Variants in RBM39 observed in about 807,000 individuals in gnomAD.
The protein encoded by RBM39 is RNA-binding protein 39.
A neutral mutation model predicts 79.6 loss-of-function variants in RBM39; 12 were observed. The observed-to-expected ratio is 0.15, with a 90% CI of 0.10 to 0.24. The LOEUF (loss-of-function observed/expected upper bound fraction) is 0.24, where lower values mean the gene tolerates loss of function less well. Among genes scored for constraint, RBM39 ranks in the 10% least tolerant of loss-of-function variants. The pLI is 1.00. For synonymous variants in RBM39, 185 were observed against 208.4 expected, an observed-to-expected ratio of 0.89 and a Z score of 0.97; for missense variants, 243 against 653.4, an observed-to-expected ratio of 0.37 and a Z score of 6.85.
chr20:35,705,013 T>C (rs2035546966), intron 15 of RBM39: 1 of 589,392 alleles, frequency 1.7e-6, no homozygotes. Flanking sequence ...CTTTGAGCAT[T>C]ACTAGAAATC....
intron 13 of RBM39, among the ~76,000 whole-genome samples, chr20:35,708,647 C>T (rs956572766): frequency 2.6e-5 from 4 of 152,082 alleles, no homozygotes; most frequent in African/African-American, 9.7e-5. Context: ...GCAAAATGCT[C>T]ATGTCAAGCA....
intron 3 of RBM39, among the ~76,000 whole-genome samples, chr20:35,733,301 CT>C (rs2039566393): frequency 4.0e-5 from 1 of 25,314 alleles, no homozygotes; most frequent in African/African-American, 1.0e-4. Context: ...AAAACACCAT[CT>C]CAAAAAAAAA....
At chr20:35,729,565 T>G in intron 4 of RBM39, 38 bp from the exon 5 acceptor site, 82 of 1,585,426 alleles carry the variant, frequency 5.2e-5, no homozygotes, top group Non-Finnish European at 6.4e-5. Flanking sequence ...GTTACAGGTT[T>G]AGGGTCTTGC....
In RBM39 at chr20:35,741,955, G is replaced by C. The variant is rs1024627855; in HGVS notation, c.-28C>G. ...ACGCCCCGTACCTGTTCCGGCCTTC[G>C]GGCGCCTGTGGTGCTCGTGTTCGGG... On this transcript the variant is annotated 5_prime_UTR_variant, in exon 1 of 17. Transcript: ENST00000253363. 2.8e-5 allele frequency: 6 copies of C among 217,294 alleles called. No individual in the cohort carries two copies. Among genetic ancestry groups the C allele is most frequent in the Non-Finnish European group, 4.6e-5 (5 of 108,046 alleles). 13.5% of individuals were successfully genotyped at this position (217,294 alleles called of 1,614,324 possible).
At chr20:35,709,073 G>GATTACTATGAAT in intron 13 of RBM39, 151 bp downstream of exon 13, 1 of 538,662 alleles carries the variant, frequency 1.9e-6, no homozygotes. Context: ...AATACAGACA[G>GATTACTATGAAT]ATTACTATGA....
chr20:35,707,873 A>G (rs2035936004), intron 13 of RBM39: 1 of 465,526 alleles, frequency 2.1e-6, no homozygotes. Flanking sequence ...AGCATTTTCC[A>G]AGACAGTTGC....
chr20:35,709,629 T>A (rs1386069993), intron 12 of RBM39, among the ~76,000 whole-genome samples: 2 of 152,200 alleles, frequency 1.3e-5, no homozygotes, highest in African/African-American at 2.4e-5. Context: ...TTCCAAGTAC[T>A]TGGGAAATGC....
At chr20:35,704,793 A>G in intron 15 of RBM39, 47 bp from the exon 16 acceptor site, 2 of 1,539,876 alleles carry the variant, frequency 1.3e-6, no homozygotes, top group Non-Finnish European at 1.8e-6. Context: ...TGTATGCAAA[A>G]TGGACCCAAG....
chr20:35,709,973 T>A (rs2036197053), intron 12 of RBM39, among the ~76,000 whole-genome samples: 1 of 152,164 alleles, frequency 6.6e-6, no homozygotes. Flanking sequence ...CTAATCAGTA[T>A]TAAAAATAAG....
At chr20:35,714,119 A>G (rs56322071) in intron 11 of RBM39, 66 bp downstream of exon 11, 17 of 1,500,388 alleles carry the variant, frequency 1.1e-5, no homozygotes, top group Admixed American at 5.4e-5. Flanking sequence ...CTTAGTTTAC[A>G]TGGCTACCTT....
intron 13 of RBM39, 85 bp downstream of exon 13, chr20:35,709,139 T>C: frequency 7.8e-7 from 1 of 1,274,514 alleles, no homozygotes; most frequent in Non-Finnish European, 1.1e-6. Flanking sequence ...GGTATAAAAA[T>C]ATGACAATAA....
At chr20:35,734,270 G>T (rs1569067585) in intron 3 of RBM39, 1 of 1,289,004 alleles carries the variant, frequency 7.8e-7, no homozygotes, top group Non-Finnish European at 1.0e-6. Flanking sequence ...AAAATTTCAA[G>T]ATAATCCACC....
chr20:35,707,026 TTAAAAAAAAAAA>T, intron 14 of RBM39, 82 bp downstream of exon 14: 1 of 409,258 alleles, frequency 2.4e-6, no homozygotes, highest in South Asian at 4.6e-5. Flanking sequence ...AAACTCCATC[TTAAAAAAAAAAA>T]AAAAAAAAAA....
At chr20:35,738,947 A>G in intron 3 of RBM39, 21 bp downstream of exon 3, 2 of 1,601,432 alleles carry the variant, frequency 1.2e-6, no homozygotes, top group Non-Finnish European at 1.7e-6. Flanking sequence ...ACCCTCCCCC[A>G]AGCCCCTTCT....
At chr20:35,713,652 C>G (rs1480460735) in intron 11 of RBM39, 1 of 114,112 alleles carries the variant, frequency 8.8e-6, no homozygotes, top group African/African-American at 3.5e-5. Flanking sequence ...AAACAACCAA[C>G]CAACCAACCA....
At chr20:35,735,041 T>C in intron 3 of RBM39, 1 of 1,586,052 alleles carries the variant, frequency 6.3e-7, no homozygotes, top group Non-Finnish European at 8.5e-7. Context: ...GGATTTGACC[T>C]CTTCCATGTA....
At chr20:35,722,427 AAAAAAT>A (rs1476217227) in intron 8 of RBM39, among the ~76,000 whole-genome samples, 1 of 126,130 alleles carries the variant, frequency 7.9e-6, no homozygotes, top group East Asian at 2.2e-4. Context: ...AAAATAAAAA[AAAAAAT>A]AAAAATAAAA....
chr20:35,723,491 T>C (rs939707869), intron 8 of RBM39, among the ~76,000 whole-genome samples: 4 of 152,190 alleles, frequency 2.6e-5, no homozygotes, highest in Non-Finnish European at 4.4e-5. Context: ...CAGGCTGCAG[T>C]GCAATGGCGT....
intron 9 of RBM39, among the ~76,000 whole-genome samples, chr20:35,717,445 A>G (rs963800507): frequency 6.6e-6 from 1 of 152,188 alleles, no homozygotes; most frequent in African/African-American, 2.4e-5. Context: ...TTCGTAAATT[A>G]CCAATAGAAG....
Sources: gnomAD v4.1 joint callset for allele counts (sites outside exome capture counted in the v4.1 genomes callset) on GRCh38, gnomAD v4.1.1 for gene constraint, MANE v1.5 for transcripts, NCBI Gene and HGNC (gene_info 2026-07-23, HGNC 2026-07-21) for gene names.